Variants in LRRC37A2 observed in about 807,000 individuals in gnomAD.
LRRC37A2 encodes leucine rich repeat containing 37 member A2, also known as leucine-rich repeat-containing protein 37A2.
A neutral mutation model predicts 68.8 loss-of-function variants in LRRC37A2; 9 were observed. The ratio of observed to expected loss-of-function variants is 0.13; its 90% CI spans 0.08 to 0.23. LRRC37A2 has a LOEUF of 0.23. LRRC37A2 is among the 10% of genes least tolerant of loss of function. The pLI is 1.00. For synonymous variants in LRRC37A2, 63 were observed against 367.6 expected, an observed-to-expected ratio of 0.17 and a Z score of 9.48; for missense variants, 168 against 950.4, an observed-to-expected ratio of 0.18 and a Z score of 10.82.
chr17:46,706,848 TTTTA>T, the LRRC37A2 span, among the ~76,000 whole-genome samples: 2 of 139,526 alleles, frequency 1.4e-5, no homozygotes, highest in African/African-American at 5.4e-5. Context: ...CAGATTTATT[TTTTA>T]TTTATTTATT....
At chr17:46,956,761 T>G in the LRRC37A2 span, among the ~76,000 whole-genome samples, 6 of 152,318 alleles carry the variant, frequency 3.9e-5, no homozygotes, top group Middle Eastern at 0.014. Flanking sequence ...TGGCTGCCAG[T>G]GCTGGCTGGA....
At chr17:46,864,687 C>T in the LRRC37A2 span, among the ~76,000 whole-genome samples, 1 of 152,102 alleles carries the variant, frequency 6.6e-6, no homozygotes, top group Non-Finnish European at 1.5e-5. Flanking sequence ...ATTTGGCTTC[C>T]CTGATGTGCT....
chr17:46,546,022 A>G (rs1388306861), intron 8 of LRRC37A2, among the ~76,000 whole-genome samples: 3 of 149,686 alleles, frequency 2.0e-5, no homozygotes, highest in African/African-American at 7.5e-5. Context: ...CTGTCACCCA[A>G]TTCTAATCCC....
the LRRC37A2 span, among the ~76,000 whole-genome samples, chr17:46,806,717 G>T: frequency 6.6e-6 from 1 of 152,244 alleles, no homozygotes; most frequent in Non-Finnish European, 1.5e-5. Context: ...GGGACTGGGT[G>T]GGGTGACCTG....
chr17:46,775,053 G>A, the LRRC37A2 span, among the ~76,000 whole-genome samples: 10 of 152,196 alleles, frequency 6.6e-5, no homozygotes, highest in Admixed American at 6.5e-4. Context: ...GAGGGGCCGG[G>A]AGAAGACCCC....
chr17:46,721,726 T>C, the LRRC37A2 span: 1 of 1,605,958 alleles, frequency 6.2e-7, no homozygotes, highest in Non-Finnish European at 8.5e-7. Context: ...TGCTATCTAG[T>C]TTGACGGGGA....
chr17:46,818,826 G>C, the LRRC37A2 span: 1 of 592,734 alleles, frequency 1.7e-6, no homozygotes, highest in Non-Finnish European at 3.0e-6. Flanking sequence ...AGATGAGTCT[G>C]TAGTTCAGCC....
At chr17:46,535,215 A>G (rs1278999455) in intron 6 of LRRC37A2, among the ~76,000 whole-genome samples, 1 of 149,336 alleles carries the variant, frequency 6.7e-6, no homozygotes, top group Non-Finnish European at 1.5e-5. Flanking sequence ...TTTTGAAGAG[A>G]AATTAGCTAT....
the LRRC37A2 span, among the ~76,000 whole-genome samples, chr17:46,910,440 A>G: frequency 6.6e-6 from 1 of 152,130 alleles, no homozygotes; most frequent in Non-Finnish European, 1.5e-5. Flanking sequence ...CCGCTGCTCT[A>G]GTGACTCTCA....
chr17:46,720,989 A>C, the LRRC37A2 span, among the ~76,000 whole-genome samples: 7 of 152,116 alleles, frequency 4.6e-5, no homozygotes, highest in South Asian at 1.2e-3. Context: ...CCCCTGTCCC[A>C]CACACAGGTG....
the LRRC37A2 span, among the ~76,000 whole-genome samples, chr17:46,496,607 G>GGA: frequency 4.5e-5 from 2 of 44,288 alleles, no homozygotes; most frequent in Non-Finnish European, 9.0e-5. Flanking sequence ...CATCTCAAAA[G>GGA]AAAAAAAAAA....
At chr17:46,768,597 G>A in the LRRC37A2 span, 2 of 1,614,186 alleles carry the variant, frequency 1.2e-6, no homozygotes, top group Non-Finnish European at 1.7e-6. The surrounding 1 kb of genome is among the most constrained non-coding windows in gnomAD (Gnocchi z 5.0). Flanking sequence ...CTTGAAGAGC[G>A]AGTACTTGGC....
chr17:46,832,103 G>C, the LRRC37A2 span, among the ~76,000 whole-genome samples: 1 of 152,214 alleles, frequency 6.6e-6, no homozygotes, highest in East Asian at 1.9e-4. Context: ...GGCACTAAAG[G>C]AAGAGACCGA....
chr17:46,789,208 A>G, the LRRC37A2 span, among the ~76,000 whole-genome samples: 1 of 151,586 alleles, frequency 6.6e-6, no homozygotes, highest in African/African-American at 2.4e-5. Flanking sequence ...CCCAGAGGCC[A>G]CCCTCCCTGC....
chr17:46,717,540 G>A, the LRRC37A2 span, among the ~76,000 whole-genome samples: 12 of 151,982 alleles, frequency 7.9e-5, no homozygotes, highest in Admixed American at 2.0e-4. Flanking sequence ...GTGAAACCCC[G>A]TCTCTACTAA....
the LRRC37A2 span, among the ~76,000 whole-genome samples, chr17:46,788,500 A>G: frequency 1.3e-5 from 2 of 151,770 alleles, no homozygotes; most frequent in African/African-American, 4.8e-5. Context: ...TTCGCTTCTG[A>G]CTCCAGACTT....
the LRRC37A2 span, chr17:46,756,332 A>T: frequency 6.6e-6 from 1 of 152,504 alleles, no homozygotes; most frequent in Non-Finnish European, 1.5e-5. Flanking sequence ...AAGGTCTCCC[A>T]CAAGACTGGT....
At chr17:46,711,157 GA>G in the LRRC37A2 span, 22 of 1,452,232 alleles carry the variant, frequency 1.5e-5, no homozygotes, top group Non-Finnish European at 2.0e-5. Context: ...AAAGTTAAAG[GA>G]AAAAAAGCAG....
the LRRC37A2 span, among the ~76,000 whole-genome samples, chr17:46,905,780 TTGTG>T: frequency 4.7e-3 from 547 of 117,040 alleles, 1 homozygote; most frequent in African/African-American, 0.017. Context: ...CTCTGTGTGT[TTGTG>T]TGTGTGTGTG....
Sources: gnomAD v4.1 joint callset for allele counts (sites outside exome capture counted in the v4.1 genomes callset) on GRCh38, gnomAD v4.1.1 for gene constraint, Gnocchi (gnomAD v3.1) non-coding constraint, MANE v1.5 for transcripts, NCBI Gene and HGNC (gene_info 2026-07-23, HGNC 2026-07-21) for gene names.